The following PLXDC2 variants were observed in gnomAD, a reference collection of about 807,000 sequenced individuals.
PLXDC2 encodes plexin domain-containing protein 2.
In PLXDC2, 40 loss-of-function variants were observed where a neutral mutation model predicts 68.9. The ratio of observed to expected loss-of-function variants is 0.58; its 90% confidence interval spans 0.45 to 0.76. PLXDC2 has a LOEUF of 0.76. PLXDC2 is among the 30% of genes least tolerant of loss of function. The pLI is 0.00. For missense variants in PLXDC2, 644 were observed against 661.9 expected (o/e 0.97, Z 0.30); for synonymous variants, 243 against 234.2 (o/e 1.04, Z -0.34).
Position 20,153,633 on chromosome 10 carries a change from T to A in PLXDC2, c.783+5731T>A, listed in dbSNP as rs530558852. 3.9e-4 allele frequency among the ~76,000 whole-genome samples: 60 copies of A among 152,306 alleles called. 3 individuals carry two copies. In the South Asian group the frequency reaches 0.012, roughly 29 times the overall value. On this transcript the variant is annotated intron_variant, in intron 6 of 13. Transcript: ENST00000377252. ...AATCTAGCATTTCTTGAGCTCTTCA[T>A]ATATGTCAAGCACCGACCTAAGCAT...
intron 1 of PLXDC2, among the ~76,000 whole-genome samples, chr10:19,854,960 A>G (rs1039961088): frequency 1.6e-4 from 25 of 152,222 alleles, no homozygotes; most frequent in African/African-American, 1.2e-4. Flanking sequence ...ATATTTTTAT[A>G]TATCTCAATT....
At position 20,285,623 on chromosome 10, in the gene PLXDC2, G is replaced by A. The variant is rs997216406; in HGVS notation, c.*5804G>A. ...TTACTCAAAATTCTCCCTGACCTAA[G>A]AATACTTTCTAGTTCACTGCAGTCT... On this transcript the variant is annotated 3_prime_UTR_variant, in exon 14 of 14. Transcript: ENST00000377252. 10 of 152,244 alleles carry A rather than the reference G, an allele frequency of 6.6e-5. No individual in the cohort carries two copies. Among genetic ancestry groups the A allele is most frequent in the Admixed American group, 2.0e-4 (3 of 15,298 alleles). The allele number at this position is 152,244 out of a possible 1,614,324, so 9.4% of individuals were successfully genotyped here.
intron 3 of PLXDC2, among the ~76,000 whole-genome samples, chr10:20,062,252 C>T (rs941142699): frequency 5.3e-5 from 8 of 152,118 alleles, no homozygotes; most frequent in Non-Finnish European, 1.0e-4. Flanking sequence ...GGTGAAATCC[C>T]GTCTCTACTA....
intron 1 of PLXDC2, among the ~76,000 whole-genome samples, chr10:19,904,744 A>T (rs1454590600): frequency 1.3e-5 from 2 of 152,240 alleles, no homozygotes; most frequent in African/African-American, 4.8e-5. Context: ...CTGTCCAAGC[A>T]GGAGCTGCAA....
At chr10:20,198,499 A>G (rs370464123) in intron 9 of PLXDC2, among the ~76,000 whole-genome samples, 1 of 152,084 alleles carries the variant, frequency 6.6e-6, no homozygotes, top group East Asian at 1.9e-4. Flanking sequence ...TTTATGGGGT[A>G]CTAATCTCAC....
intron 9 of PLXDC2, among the ~76,000 whole-genome samples, chr10:20,184,600 A>G (rs1834654816): frequency 1.3e-5 from 2 of 151,902 alleles, no homozygotes; most frequent in Non-Finnish European, 1.5e-5. Context: ...AACTGCATTC[A>G]TATCATATGC....
At chr10:20,224,595 A>G (rs981241378) in intron 12 of PLXDC2, among the ~76,000 whole-genome samples, 4 of 152,184 alleles carry the variant, frequency 2.6e-5, no homozygotes, top group African/African-American at 7.2e-5. Context: ...AGTTGAATCA[A>G]TGGCAGGATT....
chr10:20,210,279 A>T (rs1166718932), intron 9 of PLXDC2, among the ~76,000 whole-genome samples: 1 of 152,206 alleles, frequency 6.6e-6, no homozygotes, highest in East Asian at 1.9e-4. Flanking sequence ...ATAAGAATAT[A>T]GTATAATAAA....
At chr10:20,065,363 T>C (rs1279870212) in intron 3 of PLXDC2, among the ~76,000 whole-genome samples, 1 of 152,128 alleles carries the variant, frequency 6.6e-6, no homozygotes, top group Non-Finnish European at 1.5e-5. Flanking sequence ...TTGGTGTGAC[T>C]CTCAGTGAAA....
Position 20,278,475 on chromosome 10 carries a change from G to T in PLXDC2, c.1474-1228G>T, listed in dbSNP as rs139230684. 4.3e-3 allele frequency among the ~76,000 whole-genome samples: 647 copies of T among 152,206 alleles called. 3 individuals carry two copies. Among genetic ancestry groups the T allele is most frequent in the Non-Finnish European group, 7.1e-3 (483 of 68,006 alleles). On this transcript the variant is annotated intron_variant, in intron 13 of 13. Coordinates refer to ENST00000377252, the MANE Select transcript of PLXDC2 (RefSeq NM_032812.9). ...GTTTTGCTGTGTGGCCCTCTCTTTA[G>T]TTTTAAATTCTTCTTTTGGAAAATA...
intron 10 of PLXDC2, among the ~76,000 whole-genome samples, chr10:20,212,871 T>C (rs1200507925): frequency 6.6e-6 from 1 of 152,146 alleles, no homozygotes; most frequent in Non-Finnish European, 1.5e-5. Flanking sequence ...GCCATAGTTG[T>C]GTTTTGAGAC....
At chr10:20,150,077 A>G (rs7894614) in intron 6 of PLXDC2, among the ~76,000 whole-genome samples, 45,769 of 151,988 alleles carry the variant, frequency 0.3, 7,570 homozygotes, top group East Asian at 0.51. Flanking sequence ...GTTGCAATAG[A>G]TGAACCTACA....
chr10:20,066,047 T>C (rs752973343), intron 3 of PLXDC2, among the ~76,000 whole-genome samples: 3 of 152,230 alleles, frequency 2.0e-5, no homozygotes, highest in Non-Finnish European at 4.4e-5. Flanking sequence ...CAGTAGCGAC[T>C]GGCAAGAAAT....
intron 1 of PLXDC2, among the ~76,000 whole-genome samples, chr10:19,884,377 A>C (rs1234338776): frequency 6.6e-6 from 1 of 152,054 alleles, no homozygotes; most frequent in Non-Finnish European, 1.5e-5. Context: ...TAATACTTTG[A>C]GTTTTAGGGT....
chr10:19,876,630 G>A (rs1294759088), intron 1 of PLXDC2, among the ~76,000 whole-genome samples: 47 of 144,022 alleles, frequency 3.3e-4, no homozygotes, highest in Non-Finnish European at 5.1e-4. Flanking sequence ...AAAAAAGAGA[G>A]AGAGAGAGAG....
intron 4 of PLXDC2, among the ~76,000 whole-genome samples, chr10:20,110,058 C>A (rs937134151): frequency 9.9e-5 from 15 of 152,146 alleles, no homozygotes; most frequent in Non-Finnish European, 1.8e-4. Flanking sequence ...ATTCCACATA[C>A]CAGAAAAAAA....
At chr10:19,823,382 T>C (rs774306526) in intron 1 of PLXDC2, among the ~76,000 whole-genome samples, 6 of 152,074 alleles carry the variant, frequency 3.9e-5, no homozygotes, top group Non-Finnish European at 5.9e-5. Flanking sequence ...TGAAGGAGGC[T>C]GTAAAAATAT....
chr10:20,195,405 C>T (rs974425714), intron 9 of PLXDC2, among the ~76,000 whole-genome samples: 3 of 152,112 alleles, frequency 2.0e-5, no homozygotes, highest in Admixed American at 6.6e-5. Flanking sequence ...ATTAGAAATA[C>T]TTTGTCTCTT....
At chr10:19,982,102 A>G (rs4253974) in intron 1 of PLXDC2, among the ~76,000 whole-genome samples, 31,142 of 152,230 alleles carry the variant, frequency 0.2, 3,944 homozygotes, top group South Asian at 0.35. Flanking sequence ...GCAATTCCAC[A>G]TTTTGGTACA....
Sources: allele counts gnomAD v4.1 joint callset (sites outside exome capture counted in the v4.1 genomes callset), GRCh38; gene constraint gnomAD v4.1.1; transcripts MANE v1.5; gene names NCBI Gene and HGNC (gene_info 2026-07-23, HGNC 2026-07-21).